Variants in GTF3C1 observed in about 807,000 individuals in gnomAD.
GTF3C1 encodes the protein general transcription factor IIIC subunit 1, also known as general transcription factor 3C polypeptide 1.
In GTF3C1, 57 loss-of-function variants were observed where a neutral mutation model predicts 226.7. The observed-to-expected ratio is 0.25, with a 90% CI of 0.20 to 0.31. The LOEUF is 0.31. Ranked by LOEUF, GTF3C1 falls within the 10% of genes least tolerant of loss-of-function variation. GTF3C1 has a pLI of 1.00. For missense variants in GTF3C1, 2,217 were observed against 2,776.1 expected (o/e 0.80, Z 4.53); for synonymous variants, 1,090 against 1,084.8 (o/e 1.00, Z -0.09).
chr16:27,514,302 C>T (rs1319468113), intron 6 of GTF3C1, among the ~76,000 whole-genome samples: 1 of 152,214 alleles, frequency 6.6e-6, no homozygotes, highest in African/African-American at 2.4e-5. Flanking sequence ...CTCCAGGCCC[C>T]TGCCCTGCCC....
intron 20 of GTF3C1, 53 bp downstream of exon 20, chr16:27,489,549 T>C (rs2088199927): frequency 6.9e-7 from 1 of 1,445,482 alleles, no homozygotes; most frequent in East Asian, 2.4e-5. Flanking sequence ...GCATCTGAAA[T>C]GAGCACCACC....
intron 4 of GTF3C1, among the ~76,000 whole-genome samples, chr16:27,535,905 C>CA (rs2088994440): frequency 6.6e-6 from 1 of 152,000 alleles, no homozygotes; most frequent in African/African-American, 2.4e-5. Flanking sequence ...GTGTTTAGTG[C>CA]AATACCATAA....
At chr16:27,528,788 T>C (rs2141438793) in intron 5 of GTF3C1, 67 bp from the exon 6 acceptor site, 2 of 1,449,278 alleles carry the variant, frequency 1.4e-6, no homozygotes, top group South Asian at 2.3e-5. Flanking sequence ...TAGAAAGTCA[T>C]ATAAATGAAC....
intron 13 of GTF3C1, 123 bp from the exon 14 acceptor site, chr16:27,497,944 GT>G: frequency 1.4e-6 from 1 of 735,882 alleles, no homozygotes. Flanking sequence ...TCTGCTCCTT[GT>G]AGGGGCCAGG....
In GTF3C1 at chr16:27,494,925, C is replaced by G. The variant is rs143358012; in HGVS notation, c.2633-17G>C. ...CGACATACACTAGGAAAAAAACGCA[C>G]GGTTACCCCCGGCAGCCAGGATACC... is the stretch of plus-strand genomic sequence containing the variant. On this transcript the variant is annotated splice_polypyrimidine_tract_variant and intron_variant, in intron 15 of 36. Coordinates refer to ENST00000356183, the MANE Select transcript of GTF3C1 (RefSeq NM_001520.4). 2 of 1,608,116 alleles carry G rather than the reference C, an allele frequency of 1.2e-6. No individual in the cohort carries two copies. The highest frequency in any genetic ancestry group is 2.2e-5 in the South Asian group (2 of 90,806).
At chr16:27,481,923 C>T (rs945566199) in intron 26 of GTF3C1, among the ~76,000 whole-genome samples, 5 of 152,184 alleles carry the variant, frequency 3.3e-5, no homozygotes, top group African/African-American at 9.7e-5. Flanking sequence ...TCCATTTTTC[C>T]CCACACTTTC....
At chr16:27,529,078 A>AAC (rs989525922) in intron 5 of GTF3C1, among the ~76,000 whole-genome samples, 23 of 152,116 alleles carry the variant, frequency 1.5e-4, no homozygotes, top group African/African-American at 4.6e-4. Flanking sequence ...TACTAATACA[A>AAC]ACACACACAC....
At chr16:27,521,984 T>TA (rs1382079274) in intron 6 of GTF3C1, among the ~76,000 whole-genome samples, 7 of 152,232 alleles carry the variant, frequency 4.6e-5, no homozygotes, top group Non-Finnish European at 1.0e-4. Flanking sequence ...TCTTTTCTCT[T>TA]AGCTTGTATA....
chr16:27,493,142 T>C, intron 17 of GTF3C1, 57 bp downstream of exon 17: 1 of 903,750 alleles, frequency 1.1e-6, no homozygotes, highest in Non-Finnish European at 1.9e-6. Context: ...CTTAGAGCCC[T>C]GACTTAAGGG....
Position 27,488,182 on chromosome 16 carries a change from A to G in GTF3C1, c.3700+45T>C. The G allele has an allele frequency of 2.6e-6, 4 of 1,561,808 alleles. No homozygotes were observed. In the South Asian group the frequency reaches 4.7e-5, roughly 18 times the overall value. On this transcript the variant is annotated intron_variant, in intron 23 of 36. Coordinates refer to ENST00000356183, the MANE Select transcript of GTF3C1 (RefSeq NM_001520.4). ...TGAGGCTGTCGCACATCTCCAAGCCAAAACAAAGACAAGGCCCAGTAAATG... is the reference window on the plus strand; with the variant it reads ...TGAGGCTGTCGCACATCTCCAAGCCGAAACAAAGACAAGGCCCAGTAAATG...
At chr16:27,484,385 C>T (rs1370184360) in intron 24 of GTF3C1, 32 bp from the exon 25 acceptor site, 2 of 1,538,892 alleles carry the variant, frequency 1.3e-6, no homozygotes, top group African/African-American at 2.7e-5. Context: ...GACAAAAAGT[C>T]AGTATCCTCA....
At chr16:27,540,331 C>A (rs1408021914) in intron 2 of GTF3C1, among the ~76,000 whole-genome samples, 1 of 152,190 alleles carries the variant, frequency 6.6e-6, no homozygotes, top group Non-Finnish European at 1.5e-5. Context: ...ATCTGAATTT[C>A]ACAAACTTAG....
chr16:27,511,694 T>A, intron 7 of GTF3C1, 55 bp downstream of exon 7: 1 of 1,590,264 alleles, frequency 6.3e-7, no homozygotes, highest in East Asian at 2.2e-5. Flanking sequence ...GCAAAGCGCT[T>A]CTTGACTCAA....
At chr16:27,479,614 AC>A (rs2088007939) in intron 27 of GTF3C1, among the ~76,000 whole-genome samples, 1 of 152,126 alleles carries the variant, frequency 6.6e-6, no homozygotes, top group Non-Finnish European at 1.5e-5. Flanking sequence ...GATTACAGGC[AC>A]GTGCCACCAC....
At chr16:27,472,092 C>G (rs1266398429) in intron 29 of GTF3C1, among the ~76,000 whole-genome samples, 172 bp from the exon 30 acceptor site, 1 of 151,990 alleles carries the variant, frequency 6.6e-6, no homozygotes, top group East Asian at 1.9e-4. Context: ...GTGTGTGTAT[C>G]AGGGGGAGGG....
chr16:27,517,009 C>A (rs1168952139), intron 6 of GTF3C1, among the ~76,000 whole-genome samples: 1 of 152,180 alleles, frequency 6.6e-6, no homozygotes, highest in Non-Finnish European at 1.5e-5. Context: ...AGACTCTCTG[C>A]CACAGAGCTG....
chr16:27,464,240 A>C (rs1944858883), intron 34 of GTF3C1, 80 bp downstream of exon 34: 2 of 843,550 alleles, frequency 2.4e-6, no homozygotes, highest in African/African-American at 3.5e-5. Context: ...TCCTCGGAGG[A>C]AGGTGTGAGG....
At chr16:27,490,720 A>G (rs2088220670) in intron 19 of GTF3C1, among the ~76,000 whole-genome samples, 1 of 152,224 alleles carries the variant, frequency 6.6e-6, no homozygotes, top group Non-Finnish European at 1.5e-5. Flanking sequence ...AGGGCCCAGT[A>G]ATCAGCATTT....
intron 29 of GTF3C1, among the ~76,000 whole-genome samples, chr16:27,475,726 C>T (rs1223974838): frequency 2.0e-5 from 3 of 152,210 alleles, no homozygotes; most frequent in African/African-American, 7.2e-5. Context: ...AGAGCGGCCG[C>T]GTGGACCTGT....
Sources: gnomAD v4.1 joint callset for allele counts (sites outside exome capture counted in the v4.1 genomes callset) on GRCh38, gnomAD v4.1.1 for gene constraint, MANE v1.5 for transcripts, NCBI Gene and HGNC (gene_info 2026-07-23, HGNC 2026-07-21) for gene names.